KCNQ4: variants seen among roughly 807,000 people sequenced by gnomAD.
KCNQ4 encodes the protein potassium voltage-gated channel subfamily Q member 4.
In KCNQ4, 31 loss-of-function variants were observed where a neutral mutation model predicts 72.6. The ratio of observed to expected loss-of-function variants is 0.43; its 90% CI spans 0.32 to 0.58. KCNQ4 has a LOEUF of 0.58. Ranked by LOEUF, KCNQ4 falls within the 20% of genes least tolerant of loss-of-function variation. KCNQ4 has a pLI of 0.08. For missense variants in KCNQ4, 869 were observed against 962.6 expected (o/e 0.90, Z 1.29); for synonymous variants, 405 against 403.7 (o/e 1.00, Z -0.04).
intron 9 of KCNQ4, among the ~76,000 whole-genome samples, chr1:40,830,516 A>G (rs937062512): frequency 6.6e-6 from 1 of 152,138 alleles, no homozygotes; most frequent in Non-Finnish European, 1.5e-5. Context: ...CAACATATGT[A>G]CACACACCAG....
intron 1 of KCNQ4, among the ~76,000 whole-genome samples, chr1:40,791,627 A>T (rs1647285247): frequency 6.6e-6 from 1 of 152,190 alleles, no homozygotes; most frequent in Admixed American, 6.5e-5. Context: ...ACAGGAGCTC[A>T]GCGATTCCCT....
intron 9 of KCNQ4, among the ~76,000 whole-genome samples, chr1:40,825,954 A>G (rs545123389): frequency 4.6e-5 from 7 of 152,260 alleles, no homozygotes; most frequent in African/African-American, 9.6e-5. Context: ...CCTCGTATCT[A>G]TCTGCCTGGG....
chr1:40,791,509 C>T (rs1647283142), intron 1 of KCNQ4, among the ~76,000 whole-genome samples: 1 of 152,166 alleles, frequency 6.6e-6, no homozygotes, highest in Admixed American at 6.5e-5. Context: ...CAACCCTGTC[C>T]CTGGGGCAGG....
chr1:40,822,441 C>T lies in KCNQ4; in HGVS notation c.1130+39C>T, dbSNP rs756443981. 6.3e-6 allele frequency: 9 copies of T among 1,424,662 alleles called. No homozygotes were observed. In the South Asian group the frequency reaches 9.6e-5, roughly 15 times the overall value. The allele number at this position is 1,424,662 out of a possible 1,614,324, so 88.3% of individuals were successfully genotyped here. A position where few individuals can be genotyped will look rare whatever the true frequency, so the allele number is the denominator to read the frequency against. ...GGGGTGGGGGTGGGTGGGGGGCTGG[C>T]AGCAATGCCCTTTGAGGACAAGTGG... On this transcript the variant is annotated intron_variant, in intron 8 of 13. Coordinates refer to ENST00000347132, the MANE Select transcript of KCNQ4 (RefSeq NM_004700.4).
At chr1:40,809,183 C>A (rs962262824) in intron 1 of KCNQ4, among the ~76,000 whole-genome samples, 1 of 152,224 alleles carries the variant, frequency 6.6e-6, no homozygotes, top group East Asian at 1.9e-4. Context: ...CTTTCCCTCC[C>A]AGCTCTCTGG....
At chr1:40,809,534 C>A (rs1553166711) in intron 1 of KCNQ4, among the ~76,000 whole-genome samples, 1 of 152,192 alleles carries the variant, frequency 6.6e-6, no homozygotes, top group Admixed American at 6.5e-5. Flanking sequence ...AAGTTGTTCT[C>A]CTTCCTAGTT....
rs1206186130 is a variant in KCNQ4, at chr1:40,817,312, T to C, written c.362T>C (p.Ile121Thr). The change falls in exon 2 of 14, where the codon ATC (isoleucine) becomes ACC (threonine). Residue 121 changes from isoleucine to threonine, a missense_variant. By Grantham distance (89) the Ile-to-Thr change is moderately conservative. Around this residue, in one of 5 missense-constraint regions of KCNQ4, gnomAD observed 179 missense variants for 243.0 expected, o/e 0.74. Coordinates refer to ENST00000347132, the MANE Select transcript of KCNQ4 (RefSeq NM_004700.4). This position sits in a 1 kb window ranked among gnomAD's most constrained non-coding sequence, Gnocchi z 5.5. ...SCLVLSVLST[I>T]QEHQELANEC... ...CTGGTGCTGTCTGTGCTGTCCACTATCCAGGAGCACCAGGAACTTGCCAAC... is the reference window on the plus strand; with the variant it reads ...CTGGTGCTGTCTGTGCTGTCCACTACCCAGGAGCACCAGGAACTTGCCAAC... 5 of 1,613,946 alleles carry C rather than the reference T, an allele frequency of 3.1e-6. No individual in the cohort carries two copies. The highest frequency in any genetic ancestry group is 4.2e-6 in the Non-Finnish European group (5 of 1,180,014).
intron 1 of KCNQ4, among the ~76,000 whole-genome samples, chr1:40,808,980 C>G (rs933699594): frequency 6.6e-6 from 1 of 152,018 alleles, no homozygotes; most frequent in East Asian, 1.9e-4. Context: ...TTTTCTGGGC[C>G]TGTTCTGGTC....
At chr1:40,801,622 T>C (rs773807012) in intron 1 of KCNQ4, among the ~76,000 whole-genome samples, 3 of 152,210 alleles carry the variant, frequency 2.0e-5, no homozygotes, top group Non-Finnish European at 4.4e-5. Flanking sequence ...AGGAACTGTA[T>C]CTATCCCCGG....
chr1:40,826,077 C>T (rs1051677092), intron 9 of KCNQ4, among the ~76,000 whole-genome samples: 3 of 152,050 alleles, frequency 2.0e-5, no homozygotes, highest in Non-Finnish European at 4.4e-5. Context: ...AGGCTCAGGC[C>T]CAATGGCCGT....
At position 40,824,265 on chromosome 1, in the gene KCNQ4, GC is replaced by G. The variant is rs1648407753; in HGVS notation, c.1292+11del. ...CCTTCTGCCCTGGGGAAAGGTAGGG[GC>G]CCCGTGGGGCTGCCACCTCCTCTTG... On this transcript the variant is annotated splice_region_variant and intron_variant, in intron 9 of 13. Coordinates refer to ENST00000347132, the MANE Select transcript of KCNQ4 (RefSeq NM_004700.4). 15 of 1,604,704 alleles carry G rather than the reference GC, an allele frequency of 9.3e-6. No homozygotes were observed. In the East Asian group the frequency reaches 3.4e-4, roughly 36 times the overall value.
chr1:40,788,108 C>T lies in KCNQ4; in HGVS notation c.314+3701C>T, dbSNP rs1409738182. 2.0e-5 allele frequency among the ~76,000 whole-genome samples: 3 copies of T among 152,174 alleles called. No individual in the cohort carries two copies. Among genetic ancestry groups the T allele is most frequent in the South Asian group, 4.1e-4 (2 of 4,832 alleles). The stretch of plus-strand genomic sequence containing the variant: ...CGCAGACTCCTAACCCCCGAGCCCC[C>T]GACCTCCCACCCCGGCCATCTGAGA... On this transcript the variant is annotated intron_variant, in intron 1 of 13. Coordinates refer to ENST00000347132, the MANE Select transcript of KCNQ4 (RefSeq NM_004700.4). The surrounding 1 kb of genome is among the most constrained non-coding windows in gnomAD (Gnocchi z 4.5).
At chr1:40,796,563 C>T (rs1319855060) in intron 1 of KCNQ4, among the ~76,000 whole-genome samples, 1 of 152,098 alleles carries the variant, frequency 6.6e-6, no homozygotes, top group Non-Finnish European at 1.5e-5. Flanking sequence ...CCTAACTCAC[C>T]CGGACTATGT....
At chr1:40,813,809 G>A (rs12048912) in intron 1 of KCNQ4, among the ~76,000 whole-genome samples, 22,717 of 151,850 alleles carry the variant, frequency 0.15, 1,834 homozygotes, top group East Asian at 0.29. Context: ...GTGCAGTGGC[G>A]CAATCTTGGC....
Position 40,838,521 on chromosome 1 carries a change from T to C in KCNQ4, c.2086T>C (p.Ter696ArgextTer22), listed in dbSNP as rs748770400. The change falls in exon 14 of 14, where the codon TGA (stop) becomes CGA (arginine). Residue 696 changes from the stop codon to arginine (R), a stop_lost. Transcript: ENST00000347132. ...ISRSVSTNMD[*>R] Reference sequence around the variant, plus strand: ...CCGCTCGGTCAGCACCAACATGGACTGAGGGACTTCTCAGAGGCAGGGCAG... The same window carrying C: ...CCGCTCGGTCAGCACCAACATGGACCGAGGGACTTCTCAGAGGCAGGGCAG... 36 of 1,613,970 alleles carry C rather than the reference T, an allele frequency of 2.2e-5. No individual in the cohort carries two copies. Among genetic ancestry groups the C allele is most frequent in the Non-Finnish European group, 3.1e-5 (36 of 1,179,814 alleles).
At position 40,785,542 on chromosome 1, in the gene KCNQ4, C is replaced by T. The variant is rs142027694; in HGVS notation, c.314+1135C>T. On this transcript the variant is annotated intron_variant, in intron 1 of 13. Transcript: ENST00000347132. The stretch of plus-strand genomic sequence containing the variant: ...GCTGTCCCTCTGCCAGCCTGAGTTT[C>T]CACCTGTGTGCGAGTTGGCCAGTCT... 4.9e-3 allele frequency among the ~76,000 whole-genome samples: 750 copies of T among 152,276 alleles called. 3 individuals are homozygous for T. The highest frequency in any genetic ancestry group is 0.01 in the Middle Eastern group (3 of 294).
intron 1 of KCNQ4, among the ~76,000 whole-genome samples, chr1:40,796,412 T>G (rs1266058552): frequency 6.6e-6 from 1 of 152,170 alleles, no homozygotes; most frequent in Non-Finnish European, 1.5e-5. Context: ...AATGACACTA[T>G]GAGGTAGGTA....
At chr1:40,795,798 G>A (rs1402500415) in intron 1 of KCNQ4, among the ~76,000 whole-genome samples, 4 of 152,270 alleles carry the variant, frequency 2.6e-5, no homozygotes, top group African/African-American at 7.2e-5. Context: ...GGAGACCTGG[G>A]GAACTCTAGG....
rs1271242700 is a variant in KCNQ4 at position 40,783,929 on chromosome 1, G to A, written c.-165G>A. ...CGGGCTCCGGCGGCCCCCAGGCTCC[G>A]AGCGCCCGCCCGCGGCCCCGGCCCG... is the stretch of plus-strand genomic sequence containing the variant. On this transcript the variant is annotated 5_prime_UTR_variant, in exon 1 of 14. Coordinates refer to ENST00000347132, the MANE Select transcript of KCNQ4 (RefSeq NM_004700.4). This position sits in a 1 kb window ranked among gnomAD's most constrained non-coding sequence, Gnocchi z 4.4. 2 of 146,456 alleles carry A rather than the reference G, an allele frequency of 1.4e-5. No homozygotes were observed. Among genetic ancestry groups the A allele is most frequent in the African/African-American group, 2.5e-5 (1 of 39,980 alleles). The allele number at this position is 146,456 out of a possible 1,614,324, so 9.1% of individuals were successfully genotyped here. A position where few individuals can be genotyped will look rare whatever the true frequency, so the allele number is the denominator to read the frequency against.
Sources: gnomAD v4.1 joint callset for allele counts (sites outside exome capture counted in the v4.1 genomes callset) on GRCh38, gnomAD v4.1.1 for gene constraint, gnomAD v4.1.1 regional missense constraint, Gnocchi (gnomAD v3.1) non-coding constraint, MANE v1.5 for transcripts, NCBI Gene and HGNC (gene_info 2026-07-23, HGNC 2026-07-21) for gene names.